Variants in CACNA1E observed in about 807,000 individuals in gnomAD.
The protein encoded by CACNA1E is calcium voltage-gated channel subunit alpha1 E.
A neutral mutation model predicts 259.2 loss-of-function variants in CACNA1E; 40 were observed. The ratio of observed to expected loss-of-function variants is 0.15; its 90% confidence interval spans 0.12 to 0.20. The LOEUF is 0.20. Among genes scored for constraint, CACNA1E ranks in the 10% least tolerant of loss-of-function variants. The pLI, the probability that CACNA1E is intolerant of heterozygous loss-of-function variation, is 1.00. For missense variants in CACNA1E, 1,874 were observed against 3,040.1 expected (o/e 0.62, Z 9.02); for synonymous variants, 1,104 against 1,138.5 (o/e 0.97, Z 0.61).
Position 181,514,943 on chromosome 1 carries a change from G to C in CACNA1E, c.512+3433G>C, listed in dbSNP as rs12741977. ...CTTGTCCTCATAATGCCATAGAAAA[G>C]ACCTTGCTAGCCTCATTTTACAGAT... On this transcript the variant is annotated intron_variant, in intron 3 of 47. Coordinates refer to ENST00000367573, the MANE Select transcript of CACNA1E (RefSeq NM_001205293.3). Among the ~76,000 whole-genome samples the C allele has an allele frequency of 6.7e-3, 1,015 of 152,224 alleles. 6 individuals are homozygous for C. Among genetic ancestry groups the C allele is most frequent in the Non-Finnish European group, 0.011 (731 of 68,010 alleles).
intron 16 of CACNA1E, 53 bp downstream of exon 16, chr1:181,721,928 T>C (rs1013883285): frequency 8.7e-7 from 1 of 1,153,480 alleles, no homozygotes; most frequent in African/African-American, 1.5e-5. Context: ...TGGACCAGCA[T>C]TTGAGGAGGC....
intron 8 of CACNA1E, among the ~76,000 whole-genome samples, chr1:181,713,709 G>A (rs757892088): frequency 1.3e-5 from 2 of 152,128 alleles, no homozygotes; most frequent in Admixed American, 6.5e-5. Context: ...AATGTTTAAC[G>A]AGGCCTCTGG....
chr1:181,744,376 G>A (rs986803001), intron 25 of CACNA1E, among the ~76,000 whole-genome samples: 2 of 152,202 alleles, frequency 1.3e-5, no homozygotes, highest in Admixed American at 6.5e-5. Flanking sequence ...CAACGAGTCG[G>A]GAGGCTGAGG....
chr1:181,653,212 T>A (rs896877003), intron 7 of CACNA1E, among the ~76,000 whole-genome samples: 8 of 152,116 alleles, frequency 5.3e-5, no homozygotes, highest in African/African-American at 9.7e-5. Flanking sequence ...GGGCCATTGA[T>A]ATAGTTTGGC....
intron 6 of CACNA1E, among the ~76,000 whole-genome samples, chr1:181,612,295 G>A (rs942731108): frequency 2.0e-5 from 3 of 152,202 alleles, no homozygotes; most frequent in African/African-American, 2.4e-5. Context: ...TCTCAGTCAC[G>A]TGATGCACTC....
chr1:181,501,250 TG>T (rs1363329051), intron 1 of CACNA1E, among the ~76,000 whole-genome samples: 13 of 152,354 alleles, frequency 8.5e-5, no homozygotes, highest in Admixed American at 7.2e-4. Context: ...TCCAGCTGTC[TG>T]TAACTGCAAG....
chr1:181,569,310 C>CATCT (rs1650167137), intron 3 of CACNA1E, among the ~76,000 whole-genome samples: 1 of 152,152 alleles, frequency 6.6e-6, no homozygotes, highest in Admixed American at 6.5e-5. Flanking sequence ...AGCCTGATGG[C>CATCT]ATCAAGGGGC....
intron 3 of CACNA1E, among the ~76,000 whole-genome samples, chr1:181,540,608 G>A (rs1384095920): frequency 1.3e-5 from 2 of 152,144 alleles, no homozygotes; most frequent in Non-Finnish European, 2.9e-5. Flanking sequence ...CTCATAGAAC[G>A]CTCATGTGAG....
At chr1:181,727,053 G>A (rs1363492648) in intron 18 of CACNA1E, among the ~76,000 whole-genome samples, 2 of 152,202 alleles carry the variant, frequency 1.3e-5, no homozygotes, top group African/African-American at 4.8e-5. Flanking sequence ...GAAATCTAAA[G>A]TTCATTTTGA....
intron 3 of CACNA1E, among the ~76,000 whole-genome samples, chr1:181,525,564 T>C (rs969581237): frequency 6.6e-6 from 1 of 152,204 alleles, no homozygotes; most frequent in African/African-American, 2.4e-5. Flanking sequence ...TCACTACTGG[T>C]TAACATTTGT....
chr1:181,781,242 C>T (rs540084035), intron 38 of CACNA1E, among the ~76,000 whole-genome samples, 185 bp from the exon 39 acceptor site: 9 of 152,176 alleles, frequency 5.9e-5, no homozygotes, highest in South Asian at 2.1e-4. Context: ...ATTCTTTTCC[C>T]GTTTGTCCAT....
At chr1:181,491,121 C>G (rs572442852) in intron 1 of CACNA1E, among the ~76,000 whole-genome samples, 1 of 152,224 alleles carries the variant, frequency 6.6e-6, no homozygotes, top group Non-Finnish European at 1.5e-5. Flanking sequence ...GGATTTTCAA[C>G]AGTCACTCAC....
intron 1 of CACNA1E, among the ~76,000 whole-genome samples, chr1:181,390,048 A>G (rs1210805814): frequency 6.6e-6 from 1 of 152,176 alleles, no homozygotes; most frequent in Non-Finnish European, 1.5e-5. Context: ...TTTTCCCAGG[A>G]AGGACTTTCC....
At chr1:181,615,436 C>T (rs1329290271) in intron 6 of CACNA1E, among the ~76,000 whole-genome samples, 3 of 152,128 alleles carry the variant, frequency 2.0e-5, no homozygotes, top group African/African-American at 7.2e-5. Flanking sequence ...GATCTGCTCG[C>T]CTCGGCCTCC....
intron 6 of CACNA1E, among the ~76,000 whole-genome samples, chr1:181,623,374 C>T (rs543808301): frequency 6.6e-6 from 1 of 152,250 alleles, no homozygotes; most frequent in African/African-American, 2.4e-5. Context: ...TGGAATTTAA[C>T]AGAGAGTAGG....
At chr1:181,323,018 C>G (rs1650487097) in intron 1 of CACNA1E, among the ~76,000 whole-genome samples, 1 of 152,192 alleles carries the variant, frequency 6.6e-6, no homozygotes, top group Non-Finnish European at 1.5e-5. Context: ...GTAAAAAAAT[C>G]TAGGGCTGCA....
intron 25 of CACNA1E, among the ~76,000 whole-genome samples, chr1:181,742,255 G>T (rs1248761750): frequency 6.6e-6 from 1 of 152,178 alleles, no homozygotes; most frequent in Non-Finnish European, 1.5e-5. Context: ...CCACCTGCCA[G>T]CAGAGAGAGG....
intron 6 of CACNA1E, among the ~76,000 whole-genome samples, chr1:181,645,967 CAGG>C (rs1236215371): frequency 6.6e-6 from 1 of 152,166 alleles, no homozygotes; most frequent in Non-Finnish European, 1.5e-5. Context: ...CTGTGAGGTG[CAGG>C]AGGCCAGGTA....
intron 1 of CACNA1E, among the ~76,000 whole-genome samples, chr1:181,360,314 A>G (rs1653773395): frequency 6.6e-6 from 1 of 152,252 alleles, no homozygotes; most frequent in African/African-American, 2.4e-5. Flanking sequence ...TCATAGAAGC[A>G]TGATTTCTAA....
Sources: gnomAD v4.1 joint callset for allele counts (sites outside exome capture counted in the v4.1 genomes callset) on GRCh38, gnomAD v4.1.1 for gene constraint, MANE v1.5 for transcripts, NCBI Gene and HGNC (gene_info 2026-07-23, HGNC 2026-07-21) for gene names.